The following SAMD3 variants were observed in gnomAD, a reference collection of about 807,000 sequenced individuals.
The protein encoded by SAMD3 is sterile alpha motif domain containing 3, also known as sterile alpha motif domain-containing protein 3.
Under a neutral mutation model 58.5 loss-of-function variants are expected in SAMD3, and 63 were observed. The ratio of observed to expected loss-of-function variants is 1.08; its 90% CI spans 0.88 to 1.33. The LOEUF (loss-of-function observed/expected upper bound fraction) is 1.33, where lower values mean the gene tolerates loss of function less well. Among genes scored for constraint, SAMD3 ranks in the 40% most tolerant of loss-of-function variants. SAMD3 has a pLI of 0.00. For missense variants in SAMD3, 604 were observed against 608.4 expected (o/e 0.99, Z 0.08); for synonymous variants, 220 against 210.3 (o/e 1.05, Z -0.40).
intron 9 of SAMD3, 97 bp downstream of exon 9, chr6:130,154,708 AAAAAAAAAAAATATATATAT>A: frequency 3.5e-5 from 5 of 143,056 alleles, no homozygotes; most frequent in Non-Finnish European, 6.3e-5. Flanking sequence ...AAAAAAAAAA[AAAAAAAAAAAATATATATAT>A]ATATATATAT....
intron 2 of SAMD3, among the ~76,000 whole-genome samples, chr6:130,301,933 A>C (rs1775761987): frequency 6.6e-6 from 1 of 152,218 alleles, no homozygotes; most frequent in Non-Finnish European, 1.5e-5. Context: ...CTCTCACCAT[A>C]TAAAAAATTA....
chr6:130,219,739 G>T (rs1205665617), intron 1 of SAMD3, among the ~76,000 whole-genome samples: 1 of 152,104 alleles, frequency 6.6e-6, no homozygotes, highest in Non-Finnish European at 1.5e-5. Context: ...TGATTGATGG[G>T]GTTTGGGGTT....
rs755495287 is a variant in SAMD3 at position 130,146,107 on chromosome 6, T to G, written c.1098A>C (p.Ser366=). 10 of 1,602,388 alleles carry G rather than the reference T, an allele frequency of 6.2e-6. No individual in the cohort carries two copies. The East Asian group carries it at 2.3e-4, about 36-fold the overall frequency. ...KKTRHILESY[S]ENILTSFSVV... ...CTGAAAAAGAAGTCAGTATATTTTC[T>G]GAATAGGATTCCAAAATGTGCCTTG... The change falls in exon 10 of 12, where the codon TCA becomes TCC. Residue 366 remains serine, a synonymous_variant. Transcript: ENST00000439090.
chr6:130,243,290 T>C (rs1250349631), intron 2 of SAMD3, among the ~76,000 whole-genome samples: 2 of 152,168 alleles, frequency 1.3e-5, no homozygotes, highest in African/African-American at 4.8e-5. Flanking sequence ...AGAAGCCTGC[T>C]CCCTTCCTCT....
chr6:130,171,650 C>T (rs183328048), intron 8 of SAMD3, among the ~76,000 whole-genome samples: 7 of 152,212 alleles, frequency 4.6e-5, no homozygotes, highest in African/African-American at 1.4e-4. Context: ...TTTTAGAATA[C>T]GTGCTGTGTG....
intron 1 of SAMD3, among the ~76,000 whole-genome samples, chr6:130,361,039 A>C (rs1381842949): frequency 1.3e-5 from 2 of 152,152 alleles, no homozygotes; most frequent in Admixed American, 1.3e-4. Flanking sequence ...ATATTCTTCA[A>C]ACACACATGC....
intron 2 of SAMD3, among the ~76,000 whole-genome samples, chr6:130,271,539 C>T (rs4897391): frequency 0.31 from 47,309 of 151,928 alleles, 7,741 homozygotes; most frequent in East Asian, 0.47. Flanking sequence ...GTAAATACTC[C>T]TTATATATTT....
At chr6:130,147,139 T>C (rs1788710928) in intron 9 of SAMD3, among the ~76,000 whole-genome samples, 2 of 152,168 alleles carry the variant, frequency 1.3e-5, no homozygotes, top group Admixed American at 6.5e-5. Flanking sequence ...CTCCTGTTTT[T>C]GACAGTGGCA....
At chr6:130,160,318 C>T (rs1399924773) in intron 8 of SAMD3, 2 of 152,192 alleles carry the variant, frequency 1.3e-5, no homozygotes, top group African/African-American at 4.8e-5. Flanking sequence ...CTACACTCAA[C>T]TGAACAACCT....
chr6:130,267,174 T>A (rs1774390351), intron 2 of SAMD3, among the ~76,000 whole-genome samples: 1 of 152,174 alleles, frequency 6.6e-6, no homozygotes, highest in Non-Finnish European at 1.5e-5. Context: ...TAGTTAAAGA[T>A]ATAACAAAAC....
At chr6:130,177,908 A>G (rs1052307750) in intron 7 of SAMD3, among the ~76,000 whole-genome samples, 1 of 152,164 alleles carries the variant, frequency 6.6e-6, no homozygotes, top group African/African-American at 2.4e-5. Flanking sequence ...ATGACAGACC[A>G]GAAGCAAGAC....
chr6:130,152,233 G>A (rs1399002125), intron 9 of SAMD3, among the ~76,000 whole-genome samples: 1 of 152,118 alleles, frequency 6.6e-6, no homozygotes, highest in African/African-American at 2.4e-5. Context: ...GTCCTCTTAC[G>A]GGATCATTTG....
chr6:130,237,853 TTA>T (rs958264828), intron 2 of SAMD3, among the ~76,000 whole-genome samples: 1 of 152,190 alleles, frequency 6.6e-6, no homozygotes, highest in African/African-American at 2.4e-5. Flanking sequence ...TTCAGTGATT[TTA>T]TGTTTGTGAT....
rs373549002 is a variant in SAMD3 at position 130,346,293 on chromosome 6, G to T, written c.-304+18827C>A. 9.2e-5 allele frequency among the ~76,000 whole-genome samples: 14 copies of T among 152,362 alleles called. No homozygotes were observed. In the East Asian group the frequency reaches 2.1e-3, roughly 23 times the overall value. On this transcript the variant is annotated intron_variant, in intron 1 of 13. Coordinates refer to the SAMD3 transcript ENST00000368134. ...TGAGGGATCGCCTCCCCTGGGAAGT[G>T]CAAGGGGTCAGGGAATTCCCTTTCC...
At chr6:130,208,215 C>T (rs902244200) in intron 5 of SAMD3, among the ~76,000 whole-genome samples, 4 of 152,166 alleles carry the variant, frequency 2.6e-5, no homozygotes, top group African/African-American at 7.2e-5. Flanking sequence ...GGCTATTACC[C>T]GATTATTCTT....
intron 2 of SAMD3, among the ~76,000 whole-genome samples, chr6:130,272,065 G>A (rs1350565655): frequency 6.6e-6 from 1 of 152,098 alleles, no homozygotes; most frequent in Non-Finnish European, 1.5e-5. Flanking sequence ...TGAGTTTTAT[G>A]TTTGGCCTTA....
intron 1 of SAMD3, among the ~76,000 whole-genome samples, chr6:130,328,009 A>G (rs558374055): frequency 7.9e-5 from 12 of 152,306 alleles, no homozygotes; most frequent in African/African-American, 2.9e-4. Context: ...AGAAGGCTCT[A>G]ACTCTCTAGA....
chr6:130,154,934 A>G lies in SAMD3; in HGVS notation c.914T>C (p.Ile305Thr), dbSNP rs371029082. 6.8e-6 allele frequency: 11 copies of G among 1,613,216 alleles called. No homozygotes were observed. The highest frequency in any genetic ancestry group is 3.3e-5 in the South Asian group (3 of 91,064). Residue 305 changes from isoleucine (I) to threonine (T), a missense_variant, in exon 9 of 12, where the codon ATT becomes ACT. Physicochemically the swap from Ile to Thr is moderately conservative, Grantham distance 89. Coordinates refer to ENST00000439090, the MANE Select transcript of SAMD3 (RefSeq NM_001017373.4). ...CAAAGTTTGGCTCATTCTCTTGTCA[A>G]TTTCTCTCCAGTCCTTTTCTGTTTT... is the stretch of plus-strand genomic sequence containing the variant. ...YVKTEKDWRE[I>T]DKRMSQTLEI... is the part of the protein sequence containing the mutation.
At chr6:130,189,674 G>A (rs779137837) in intron 5 of SAMD3, among the ~76,000 whole-genome samples, 5 of 152,102 alleles carry the variant, frequency 3.3e-5, no homozygotes, top group East Asian at 3.9e-4. Context: ...CCAAGTATTC[G>A]CCACTCAAAT....
Sources: allele counts gnomAD v4.1 joint callset (sites outside exome capture counted in the v4.1 genomes callset), GRCh38; gene constraint gnomAD v4.1.1; transcripts MANE v1.5; gene names NCBI Gene and HGNC (gene_info 2026-07-23, HGNC 2026-07-21).